ERC2: variants seen among roughly 807,000 people sequenced by gnomAD.
ERC2 encodes ELKS/RAB6-interacting/CAST family member 2.
ERC2 carries 42 observed loss-of-function variants against 114.8 expected under a neutral mutation model. The ratio of observed to expected loss-of-function variants is 0.37; its 90% CI spans 0.29 to 0.47. The LOEUF is 0.47. ERC2 is among the 20% of genes least tolerant of loss of function. The pLI, the probability that ERC2 is intolerant of heterozygous loss-of-function variation, is 0.99. For missense variants in ERC2, 939 were observed against 1,150.7 expected (o/e 0.82, Z 2.66); for synonymous variants, 454 against 425.5 (o/e 1.07, Z -0.82).
chr3:55,648,699 T>C (rs1158403417), intron 17 of ERC2, among the ~76,000 whole-genome samples: 1 of 152,080 alleles, frequency 6.6e-6, no homozygotes, highest in Non-Finnish European at 1.5e-5. Context: ...ATCCAGAGTC[T>C]GTCTATTAGA....
intron 3 of ERC2, among the ~76,000 whole-genome samples, chr3:56,263,293 G>GA (rs970335324): frequency 3.1e-4 from 42 of 134,520 alleles, no homozygotes; most frequent in African/African-American, 6.4e-4. Flanking sequence ...AACTGTCCAT[G>GA]AAAAAAAAAA....
intron 6 of ERC2, among the ~76,000 whole-genome samples, chr3:56,085,861 A>G (rs2077473084): frequency 6.6e-6 from 1 of 152,146 alleles, no homozygotes; most frequent in South Asian, 2.1e-4. Flanking sequence ...GAAGAAACAC[A>G]TGACTGAGGT....
rs140120636 is a variant in ERC2 at position 55,711,119 on chromosome 3, A to G, written c.2713-11607T>C. ...ATTAATTTCCATTCTTTCAGTCTAA[A>G]CAGCATCAAACACCTAATCATTTTG... On this transcript the variant is annotated intron_variant, in intron 15 of 17. Coordinates refer to ENST00000288221, the MANE Select transcript of ERC2 (RefSeq NM_015576.3). Among the ~76,000 whole-genome samples, 28 of 152,322 alleles carry G rather than the reference A, an allele frequency of 1.8e-4. No individual in the cohort carries two copies. The East Asian group carries it at 5.4e-3, about 29-fold the overall frequency.
chr3:55,831,815 G>A (rs939980409), intron 14 of ERC2, among the ~76,000 whole-genome samples: 3 of 152,176 alleles, frequency 2.0e-5, no homozygotes, highest in East Asian at 1.9e-4. Flanking sequence ...TGCCTCACTC[G>A]GGAAGTGCAA....
chr3:55,983,918 A>T (rs1051764393), intron 12 of ERC2, among the ~76,000 whole-genome samples: 1 of 152,234 alleles, frequency 6.6e-6, no homozygotes, highest in Non-Finnish European at 1.5e-5. Flanking sequence ...CCTGGAAGTC[A>T]TTGGGAATAA....
chr3:55,786,016 AC>A (rs1236778915), intron 14 of ERC2, among the ~76,000 whole-genome samples: 1 of 152,148 alleles, frequency 6.6e-6, no homozygotes, highest in Non-Finnish European at 1.5e-5. Context: ...TGAATTGACT[AC>A]CACTTATGGA....
intron 3 of ERC2, among the ~76,000 whole-genome samples, chr3:56,225,744 G>A (rs2050208455): frequency 6.6e-6 from 1 of 152,152 alleles, no homozygotes; most frequent in Non-Finnish European, 1.5e-5. Flanking sequence ...AACAACAGGT[G>A]TGTTCCTGGT....
intron 6 of ERC2, among the ~76,000 whole-genome samples, chr3:56,123,023 C>T (rs1214446358): frequency 6.6e-6 from 1 of 152,152 alleles, no homozygotes; most frequent in African/African-American, 2.4e-5. Flanking sequence ...CAATACACAT[C>T]TCTTATCTCA....
chr3:55,570,769 G>C (rs2056659591), intron 17 of ERC2, among the ~76,000 whole-genome samples: 1 of 152,050 alleles, frequency 6.6e-6, no homozygotes, highest in African/African-American at 2.4e-5. Flanking sequence ...GTTTTGCTTT[G>C]TTTTCCTTGC....
Position 55,834,781 on chromosome 3 carries a change from A to G in ERC2, c.2564+53608T>C, listed in dbSNP as rs2060793135. On this transcript the variant is annotated intron_variant, in intron 14 of 17. Coordinates refer to ENST00000288221, the MANE Select transcript of ERC2 (RefSeq NM_015576.3). ...AACTCACAGCAGAACTGAAGGAAAT[A>G]GAGACACAAAAAACCCTTCAAAACC... Among the ~76,000 whole-genome samples, 2 of 125,518 alleles carry G rather than the reference A, an allele frequency of 1.6e-5. 1 individual carries two copies. Among genetic ancestry groups the G allele is most frequent in the Non-Finnish European group, 3.1e-5 (2 of 63,554 alleles). 82.3% of individuals were successfully genotyped at this position (125,518 alleles called of 152,430 possible). A position where few individuals can be genotyped will look rare whatever the true frequency, so the allele number is the denominator to read the frequency against.
chr3:55,580,756 C>T (rs2057220810), intron 17 of ERC2, among the ~76,000 whole-genome samples: 1 of 152,178 alleles, frequency 6.6e-6, no homozygotes, highest in Non-Finnish European at 1.5e-5. Context: ...GAATATGACT[C>T]ATGTGTGCCA....
intron 14 of ERC2, among the ~76,000 whole-genome samples, chr3:55,854,373 TGTTTTGTTTTG>T (rs2061699834): frequency 6.6e-6 from 1 of 152,226 alleles, no homozygotes; most frequent in Non-Finnish European, 1.5e-5. Context: ...TGTTTTGTTT[TGTTTTGTTTTG>T]GTTTTGGTTT....
chr3:55,709,066 T>C (rs1272096682), intron 15 of ERC2, among the ~76,000 whole-genome samples: 1 of 152,164 alleles, frequency 6.6e-6, no homozygotes, highest in Admixed American at 6.6e-5. Context: ...TAGGGAGAAC[T>C]GGCATCATCA....
chr3:56,072,096 A>C (rs1190233156), intron 7 of ERC2: 1 of 152,732 alleles, frequency 6.5e-6, no homozygotes, highest in Non-Finnish European at 1.5e-5. Context: ...ATGAAGACAC[A>C]CTGTATTGGA....
intron 8 of ERC2, among the ~76,000 whole-genome samples, chr3:56,018,565 G>A (rs1202201672): frequency 1.3e-5 from 2 of 152,122 alleles, no homozygotes; most frequent in African/African-American, 4.8e-5. Context: ...ACACAGAGTG[G>A]GGGCTTGCCA....
chr3:55,528,342 C>T (rs61227122), intron 17 of ERC2, among the ~76,000 whole-genome samples: 1,773 of 152,198 alleles, frequency 0.012, 39 homozygotes, highest in African/African-American at 0.04. Flanking sequence ...TTGTAAAAGC[C>T]CCACTGGGCT....
intron 3 of ERC2, among the ~76,000 whole-genome samples, chr3:56,191,437 T>C (rs1417896563): frequency 1.3e-5 from 2 of 152,154 alleles, no homozygotes; most frequent in Non-Finnish European, 2.9e-5. Context: ...GTCCTCTCTA[T>C]GCCTGAGCCA....
intron 17 of ERC2, among the ~76,000 whole-genome samples, chr3:55,593,137 A>G (rs2057975991): frequency 6.6e-6 from 1 of 152,130 alleles, no homozygotes; most frequent in Non-Finnish European, 1.5e-5. Context: ...TAGGCCCTTG[A>G]CTCCTGATCC....
chr3:55,713,356 G>A (rs1485674710), intron 15 of ERC2, among the ~76,000 whole-genome samples: 6 of 151,842 alleles, frequency 4.0e-5, no homozygotes, highest in Non-Finnish European at 7.4e-5. Flanking sequence ...GATTACCAGC[G>A]CCCGCCACCA....
Sources: allele counts gnomAD v4.1 joint callset (sites outside exome capture counted in the v4.1 genomes callset), GRCh38; gene constraint gnomAD v4.1.1; transcripts MANE v1.5; gene names NCBI Gene and HGNC (gene_info 2026-07-23, HGNC 2026-07-21).